CREB1: variants seen among roughly 807,000 people sequenced by gnomAD.
The protein encoded by CREB1 is cAMP responsive element binding protein 1, also known as cyclic AMP-responsive element-binding protein 1.
CREB1 carries 2 observed loss-of-function variants against 42.0 expected under a neutral mutation model. The observed-to-expected ratio is 0.05, with a 90% CI of 0.02 to 0.15. CREB1 has a LOEUF of 0.15. Among genes scored for constraint, CREB1 ranks in the 10% least tolerant of loss-of-function variants. The pLI is 1.00. For synonymous variants in CREB1, 123 were observed against 139.9 expected (o/e 0.88, Z 0.85); for missense variants, 199 against 388.9 (o/e 0.51, Z 4.11).
Position 207,601,774 on chromosome 2 carries a change from G to A in CREB1, c.*4716G>A. The A allele has an allele frequency of 4.6e-6, 1 of 218,434 alleles. No homozygotes were observed. Among genetic ancestry groups the A allele is most frequent in the Non-Finnish European group, 9.2e-6 (1 of 108,724 alleles). 13.5% of individuals were successfully genotyped at this position (218,434 alleles called of 1,614,324 possible). On this transcript the variant is annotated 3_prime_UTR_variant, in exon 8 of 8. Coordinates refer to ENST00000353267, the MANE Select transcript of CREB1 (RefSeq NM_004379.5). ...TTGATTTCAGATGAGGAAGGAGAAA[G>A]TAAAGTGTGCATAGTAAGGCTGTAG...
intron 7 of CREB1, among the ~76,000 whole-genome samples, chr2:207,584,310 C>T (rs927001475): frequency 1.3e-5 from 2 of 152,148 alleles, no homozygotes; most frequent in African/African-American, 2.4e-5. Context: ...TGTATCCTTG[C>T]CAAAACTTGA....
chr2:207,531,568 G>A (rs1383487080), intron 1 of CREB1, among the ~76,000 whole-genome samples: 1 of 152,140 alleles, frequency 6.6e-6, no homozygotes, highest in African/African-American at 2.4e-5. Context: ...AACCTCAGCT[G>A]GCGTCTAACT....
At chr2:207,549,482 C>T (rs1211690448) in intron 1 of CREB1, among the ~76,000 whole-genome samples, 2 of 152,044 alleles carry the variant, frequency 1.3e-5, no homozygotes, top group African/African-American at 4.8e-5. Context: ...ACAGTGCACC[C>T]TAGTTATTGA....
intron 6 of CREB1, among the ~76,000 whole-genome samples, chr2:207,575,949 A>C (rs11684107): frequency 0.57 from 12,405 of 21,632 alleles, 3,844 homozygotes; most frequent in East Asian, 0.98. Context: ...CCCCCCCCCC[A>C]AAAGAAATTT....
rs143222694 is a variant in CREB1 at position 207,598,486 on chromosome 2, TAAA to T, written c.*1442_*1444del. The T allele has an allele frequency of 0.062, 10,447 of 167,840 alleles. 117 individuals carry two copies. Among genetic ancestry groups the T allele is most frequent in the East Asian group, 0.22 (2,112 of 9,808 alleles). The allele number at this position is 167,840 out of a possible 1,614,324, so 10.4% of individuals were successfully genotyped here. A position where few individuals can be genotyped will look rare whatever the true frequency, so the allele number is the denominator to read the frequency against. Reference sequence around the variant, plus strand: ...GCTCGATAAATCTAACAGTTACTCTTAAAAAAAAAAAAAAAAGACTAAGGTGGA... The same window carrying T: ...GCTCGATAAATCTAACAGTTACTCTTAAAAAAAAAAAAAGACTAAGGTGGA... On this transcript the variant is annotated 3_prime_UTR_variant, in exon 8 of 8. Transcript: ENST00000353267.
chr2:207,576,018 G>A (rs1037609733), intron 6 of CREB1, among the ~76,000 whole-genome samples: 2 of 129,554 alleles, frequency 1.5e-5, no homozygotes, highest in Non-Finnish European at 3.1e-5. Context: ...CTAGAGACAT[G>A]GTCTCACTGT....
At chr2:207,567,104 G>C (rs1164490989) in intron 3 of CREB1, among the ~76,000 whole-genome samples, 1 of 152,000 alleles carries the variant, frequency 6.6e-6, no homozygotes, top group African/African-American at 2.4e-5. Flanking sequence ...ATAGACTTAG[G>C]ACCAAATATT....
Position 207,597,004 on chromosome 2 carries a change from A to G in CREB1, c.930A>G (p.Thr310=), listed in dbSNP as rs1236636576. 1 of 1,612,746 alleles carries G rather than the reference A, an allele frequency of 6.2e-7. No homozygotes were observed. ...RVAVLENQNK[T]LIEELKALKD... ...CAGTGCTTGAAAATCAAAACAAGACATTGATTGAGGAGCTAAAAGCACTTA... is the reference window on the plus strand; with the variant it reads ...CAGTGCTTGAAAATCAAAACAAGACGTTGATTGAGGAGCTAAAAGCACTTA... Residue 310 remains threonine, a synonymous_variant, in exon 8 of 8, where the codon ACA becomes ACG. Transcript: ENST00000353267.
At chr2:207,562,276 A>G (rs984328054) in intron 3 of CREB1, among the ~76,000 whole-genome samples, 3 of 152,178 alleles carry the variant, frequency 2.0e-5, no homozygotes, top group Admixed American at 6.5e-5. Flanking sequence ...GGGCACATCT[A>G]CCTTTCTCTT....
In CREB1 at chr2:207,601,549, ATATT is replaced by A. The variant is rs1179544306; in HGVS notation, c.*4497_*4500del. ...GAAGGGAAAATAACTCAAGTGCATAATATTTATTTTCAATTTTTAATGAGACTTT... is the reference window on the plus strand; with the variant it reads ...GAAGGGAAAATAACTCAAGTGCATAATATTTTCAATTTTTAATGAGACTTT... On this transcript the variant is annotated 3_prime_UTR_variant, in exon 8 of 8. Transcript: ENST00000353267. The A allele has an allele frequency of 2.0e-5, 4 of 199,696 alleles. No individual in the cohort carries two copies. Among genetic ancestry groups the A allele is most frequent in the African/African-American group, 9.2e-5 (4 of 43,524 alleles). The allele number at this position is 199,696 out of a possible 1,614,324, so 12.4% of individuals were successfully genotyped here.
At chr2:207,561,201 A>G in intron 3 of CREB1, 8 of 1,507,130 alleles carry the variant, frequency 5.3e-6, no homozygotes, top group Non-Finnish European at 7.3e-6. Context: ...CTATTATTAG[A>G]AAGGAAGGTG....
chr2:207,566,607 G>A (rs535559120), intron 3 of CREB1, among the ~76,000 whole-genome samples: 4 of 152,282 alleles, frequency 2.6e-5, no homozygotes, highest in South Asian at 4.1e-4. Flanking sequence ...TGGTAAGGAT[G>A]TCTAAAATGG....
chr2:207,568,651 A>G (rs543680019), intron 4 of CREB1, among the ~76,000 whole-genome samples: 1 of 152,318 alleles, frequency 6.6e-6, no homozygotes, highest in African/African-American at 2.4e-5. Flanking sequence ...TTTTGACAAT[A>G]GCATAAAGGG....
intron 1 of CREB1, among the ~76,000 whole-genome samples, chr2:207,530,346 G>T (rs1208693093): frequency 6.6e-6 from 1 of 150,428 alleles, no homozygotes; most frequent in Non-Finnish European, 1.5e-5. Flanking sequence ...CGGCCGGGGC[G>T]GCAGCGACTC....
At chr2:207,549,812 C>T (rs542348042) in intron 1 of CREB1, among the ~76,000 whole-genome samples, 13 of 152,192 alleles carry the variant, frequency 8.5e-5, no homozygotes, top group African/African-American at 3.1e-4. Context: ...GAAACCCCAT[C>T]TCTACTAAAA....
At position 207,603,162 on chromosome 2, in the gene CREB1, T is replaced by A. The variant is rs2087393471; in HGVS notation, c.*6104T>A. ...CTACATTCTAGAAACATCCCTGTTT[T>A]AATTTTTTTATCTAAATCTTTTTGT... On this transcript the variant is annotated 3_prime_UTR_variant, in exon 8 of 8. Transcript: ENST00000353267. The A allele has an allele frequency of 4.7e-6, 1 of 211,670 alleles. No homozygotes were observed. The highest frequency in any genetic ancestry group is 2.3e-5 in the African/African-American group (1 of 44,284). 13.1% of individuals were successfully genotyped at this position (211,670 alleles called of 1,614,324 possible). A position where few individuals can be genotyped will look rare whatever the true frequency, so the allele number is the denominator to read the frequency against.
At position 207,561,615 on chromosome 2, in the gene CREB1, C is replaced by G. The variant is rs915230749; in HGVS notation, c.261+1243C>G. On this transcript the variant is annotated intron_variant, in intron 3 of 7. Transcript: ENST00000353267. Reference sequence around the variant, plus strand: ...CTCTTCCCCATCCCCCGCACCCTTCCTATTTTTAAGAAAATTTCCAGACTA... The same window carrying G: ...CTCTTCCCCATCCCCCGCACCCTTCGTATTTTTAAGAAAATTTCCAGACTA... Among the ~76,000 whole-genome samples the G allele has an allele frequency of 5.3e-5, 8 of 152,280 alleles. No individual in the cohort carries two copies. The East Asian group carries it at 1.5e-3, about 29-fold the overall frequency.
chr2:207,580,801 C>T (rs2082871223), intron 7 of CREB1: 1 of 223,962 alleles, frequency 4.5e-6, no homozygotes, highest in Non-Finnish European at 8.9e-6. Context: ...AGCTGCAGGT[C>T]AGTTGCTGTG....
At chr2:207,574,072 A>G (rs2082478576) in intron 5 of CREB1, among the ~76,000 whole-genome samples, 1 of 152,234 alleles carries the variant, frequency 6.6e-6, no homozygotes, top group African/African-American at 2.4e-5. Flanking sequence ...AATTTTCACA[A>G]GTGTCATTTT....
Sources: allele counts gnomAD v4.1 joint callset (sites outside exome capture counted in the v4.1 genomes callset), GRCh38; gene constraint gnomAD v4.1.1; transcripts MANE v1.5; gene names NCBI Gene and HGNC (gene_info 2026-07-23, HGNC 2026-07-21).